ELMO1: variants seen among roughly 807,000 people sequenced by gnomAD.
ELMO1 encodes the protein engulfment and cell motility 1, also known as engulfment and cell motility protein 1.
A neutral mutation model predicts 98.9 loss-of-function variants in ELMO1; 26 were observed. The observed-to-expected ratio is 0.26, with a 90% confidence interval of 0.19 to 0.36. ELMO1 has a LOEUF of 0.36. Among genes scored for constraint, ELMO1 ranks in the 10% least tolerant of loss-of-function variants. The pLI, the probability that ELMO1 is intolerant of heterozygous loss-of-function variation, is 1.00. For synonymous variants in ELMO1, 346 were observed against 346.0 expected, an observed-to-expected ratio of 1.00 and a Z score of 0.00; for missense variants, 627 against 935.2, an observed-to-expected ratio of 0.67 and a Z score of 4.30.
At chr7:37,395,231 G>C (rs1228284411) in intron 1 of ELMO1, among the ~76,000 whole-genome samples, 1 of 152,116 alleles carries the variant, frequency 6.6e-6, no homozygotes, top group Admixed American at 6.6e-5. Context: ...GCTGGGCGTA[G>C]TAGTGCATGC....
intron 17 of ELMO1, among the ~76,000 whole-genome samples, chr7:36,891,417 A>G (rs746670086): frequency 6.6e-6 from 1 of 152,202 alleles, no homozygotes. Context: ...TTTAGCGAGG[A>G]TGCAGATTTG....
intron 13 of ELMO1, among the ~76,000 whole-genome samples, chr7:37,207,860 C>CA (rs893418134): frequency 6.6e-6 from 1 of 152,042 alleles, no homozygotes; most frequent in African/African-American, 2.4e-5. Context: ...AACAAACAAA[C>CA]AAAAAACGAG....
intron 1 of ELMO1, among the ~76,000 whole-genome samples, chr7:37,346,168 A>C (rs1279103102): frequency 6.6e-6 from 1 of 152,026 alleles, no homozygotes; most frequent in Non-Finnish European, 1.5e-5. Context: ...ACAGTAAGTG[A>C]ATGTGTTCAG....
chr7:37,335,370 C>T (rs1333869447), intron 2 of ELMO1, among the ~76,000 whole-genome samples: 5 of 152,028 alleles, frequency 3.3e-5, no homozygotes, highest in South Asian at 4.2e-4. Flanking sequence ...CATGAATGTG[C>T]GGGAACAAGC....
At chr7:37,363,756 A>G (rs1456758058) in intron 1 of ELMO1, among the ~76,000 whole-genome samples, 1 of 152,226 alleles carries the variant, frequency 6.6e-6, no homozygotes, top group East Asian at 1.9e-4. Flanking sequence ...ACAAGAGGAT[A>G]AGCTATGAAG....
chr7:37,197,240 T>C (rs1290863679), intron 13 of ELMO1: 4 of 152,216 alleles, frequency 2.6e-5, no homozygotes, highest in South Asian at 2.1e-4. Context: ...GTGCAGGAAG[T>C]ATGCAGAGAT....
At chr7:37,413,959 T>C (rs1379806094) in intron 1 of ELMO1, among the ~76,000 whole-genome samples, 2 of 152,116 alleles carry the variant, frequency 1.3e-5, no homozygotes, top group South Asian at 2.1e-4. Context: ...ATTAGGGATG[T>C]TAGCCACCAC....
chr7:37,295,544 C>A (rs1797985024), intron 4 of ELMO1, among the ~76,000 whole-genome samples: 1 of 152,166 alleles, frequency 6.6e-6, no homozygotes, highest in Non-Finnish European at 1.5e-5. Flanking sequence ...TAAACATACA[C>A]TTTGAAACAA....
intron 13 of ELMO1, among the ~76,000 whole-genome samples, chr7:37,197,571 A>C (rs138187017): frequency 6.6e-6 from 1 of 152,338 alleles, no homozygotes; most frequent in East Asian, 1.9e-4. Flanking sequence ...ACAACAGCAC[A>C]CTGTCTCAGG....
Position 36,972,849 on chromosome 7 carries a change from C to A in ELMO1, c.1437+40450G>T, listed in dbSNP as rs540243140. Among the ~76,000 whole-genome samples the A allele has an allele frequency of 5.8e-4, 88 of 152,272 alleles. 1 individual carries two copies. The highest frequency in any genetic ancestry group is 2.1e-3 in the African/African-American group (88 of 41,544). On this transcript the variant is annotated intron_variant, in intron 16 of 21. Transcript: ENST00000310758. ...TGGATGGAGTACAATGGCGCGATCT[C>A]GGCTCACTGCAACTTCTACCTCCCA... is the stretch of plus-strand genomic sequence containing the variant.
chr7:37,005,101 C>G (rs1792954994), intron 16 of ELMO1, among the ~76,000 whole-genome samples: 1 of 98,220 alleles, frequency 1.0e-5, no homozygotes, highest in South Asian at 3.8e-4. Flanking sequence ...GAGCAAGGCT[C>G]TGTCTCAAAA....
intron 8 of ELMO1, among the ~76,000 whole-genome samples, chr7:37,229,512 T>C (rs946663287): frequency 6.6e-6 from 1 of 151,800 alleles, no homozygotes; most frequent in Admixed American, 6.6e-5. Context: ...GGAAAAAAAA[T>C]ATTTCTCCAA....
chr7:37,192,565 A>G (rs1327290160), intron 13 of ELMO1, among the ~76,000 whole-genome samples: 1 of 151,170 alleles, frequency 6.6e-6, no homozygotes, highest in Non-Finnish European at 1.5e-5. Context: ...TTGGGAGGCC[A>G]AGGCAGGCAG....
At chr7:37,246,773 CAGAT>C (rs543282035) in intron 6 of ELMO1, among the ~76,000 whole-genome samples, 18 of 151,756 alleles carry the variant, frequency 1.2e-4, no homozygotes, top group African/African-American at 1.9e-4. Flanking sequence ...GATGGAGAGA[CAGAT>C]AGATAGATAG....
intron 7 of ELMO1, among the ~76,000 whole-genome samples, chr7:37,236,074 T>C (rs775722511): frequency 6.6e-6 from 1 of 152,252 alleles, no homozygotes; most frequent in Non-Finnish European, 1.5e-5. Context: ...TTATGTTCTC[T>C]AATATATGAA....
chr7:37,280,658 T>C (rs962352963), intron 4 of ELMO1, among the ~76,000 whole-genome samples: 5 of 151,998 alleles, frequency 3.3e-5, no homozygotes, highest in African/African-American at 1.2e-4. Context: ...GATATCACTT[T>C]ACTCTTGCAA....
intron 4 of ELMO1, among the ~76,000 whole-genome samples, chr7:37,295,872 A>T (rs545460698): frequency 1.3e-5 from 2 of 152,366 alleles, no homozygotes; most frequent in Non-Finnish European, 2.9e-5. Context: ...CTCTGATATT[A>T]TAGGTGATCA....
intron 16 of ELMO1, among the ~76,000 whole-genome samples, chr7:36,914,515 T>TC (rs199536716): frequency 0.05 from 7,345 of 147,364 alleles, 253 homozygotes; most frequent in East Asian, 0.1. Context: ...GAATGTACAT[T>TC]CTTTTTTTTT....
intron 16 of ELMO1, among the ~76,000 whole-genome samples, chr7:36,942,778 T>A (rs1309436077): frequency 6.6e-6 from 1 of 152,132 alleles, no homozygotes. Flanking sequence ...GCCAGGAAAT[T>A]TTTTAGGCTC....
Sources: gnomAD v4.1 joint callset for allele counts (sites outside exome capture counted in the v4.1 genomes callset) on GRCh38, gnomAD v4.1.1 for gene constraint, MANE v1.5 for transcripts, NCBI Gene and HGNC (gene_info 2026-07-23, HGNC 2026-07-21) for gene names.